The following SNX24 variants were observed in gnomAD, a reference collection of about 807,000 sequenced individuals.
SNX24 encodes the protein sorting nexin-24.
In SNX24, 22 loss-of-function variants were observed where a neutral mutation model predicts 28.7. The ratio of observed to expected loss-of-function variants is 0.77; its 90% confidence interval spans 0.55 to 1.10. The LOEUF is 1.10. Among genes scored for constraint, SNX24 ranks in the 50% least tolerant of loss-of-function variants. The pLI, the probability that SNX24 is intolerant of heterozygous loss-of-function variation, is 0.00. For synonymous variants in SNX24, 69 were observed against 71.5 expected (o/e 0.96, Z 0.18); for missense variants, 221 against 201.1 (o/e 1.10, Z -0.60).
Position 123,007,945 on chromosome 5 carries a change from G to T in SNX24, c.*196G>T. 1 of 1,359,180 alleles carries T rather than the reference G, an allele frequency of 7.4e-7. No homozygotes were observed. Among genetic ancestry groups the T allele is most frequent in the East Asian group, 3.1e-5 (1 of 32,520 alleles). 84.2% of individuals were successfully genotyped at this position (1,359,180 alleles called of 1,614,324 possible). On this transcript the variant is annotated 3_prime_UTR_variant, in exon 7 of 7. Transcript: ENST00000261369. ...TTAAAAATAGAAACTGAACCGGGGC[G>T]GTGGTCAGGCTAAGGCCAAGTGTTT... is the stretch of plus-strand genomic sequence containing the variant.
chr5:122,859,286 CAT>C (rs55650343), intron 1 of SNX24, among the ~76,000 whole-genome samples: 18,885 of 151,992 alleles, frequency 0.12, 1,475 homozygotes, highest in East Asian at 0.36. Flanking sequence ...GACTGCACAA[CAT>C]ATGGAGATCC....
chr5:122,872,955 C>G (rs895540738), intron 1 of SNX24, among the ~76,000 whole-genome samples: 2 of 151,752 alleles, frequency 1.3e-5, no homozygotes, highest in African/African-American at 4.8e-5. Context: ...CATTTTAACC[C>G]AGAGGTTAGT....
intron 5 of SNX24, chr5:123,023,779 A>G: frequency 7.1e-7 from 1 of 1,404,866 alleles, no homozygotes; most frequent in Non-Finnish European, 9.3e-7. Context: ...AAGTAAAAAA[A>G]AAAAAGCAAA....
At chr5:122,969,363 C>CT (rs1226538820) in intron 3 of SNX24, among the ~76,000 whole-genome samples, 1 of 152,118 alleles carries the variant, frequency 6.6e-6, no homozygotes, top group Admixed American at 6.5e-5. Context: ...TTAAGAAAGT[C>CT]TAACACTTTC....
At chr5:122,972,653 T>C (rs1396693862) in intron 3 of SNX24, among the ~76,000 whole-genome samples, 1 of 152,200 alleles carries the variant, frequency 6.6e-6, no homozygotes, top group Non-Finnish European at 1.5e-5. Flanking sequence ...ACCATGACTG[T>C]GGATAAGGCA....
At chr5:122,880,827 A>G (rs1237834019) in intron 1 of SNX24, among the ~76,000 whole-genome samples, 1 of 152,210 alleles carries the variant, frequency 6.6e-6, no homozygotes, top group Non-Finnish European at 1.5e-5. Context: ...GGAACTCTGC[A>G]CAATTCTGTA....
chr5:122,998,743 G>C (rs1762138942), intron 3 of SNX24, among the ~76,000 whole-genome samples: 1 of 152,120 alleles, frequency 6.6e-6, no homozygotes, highest in African/African-American at 2.4e-5. Flanking sequence ...TGAGGAATTG[G>C]GGCCACTCAG....
At chr5:122,936,324 C>A (rs558482281) in intron 1 of SNX24, among the ~76,000 whole-genome samples, 1 of 152,090 alleles carries the variant, frequency 6.6e-6, no homozygotes, top group Admixed American at 6.6e-5. Context: ...GTACTGCCTG[C>A]GTTGAAATGC....
Position 122,916,596 on chromosome 5 carries a change from A to G in SNX24, c.61-20138A>G, listed in dbSNP as rs371573649. 1.1e-4 allele frequency among the ~76,000 whole-genome samples: 16 copies of G among 152,190 alleles called. 2 individuals carry two copies. Among genetic ancestry groups the G allele is most frequent in the East Asian group, 3.9e-4 (2 of 5,184 alleles). ...CTTGAACAGTCCATTTGGGACCTTT[A>G]TTTTTAACATTCTGCATCCCAAATT... is the stretch of plus-strand genomic sequence containing the variant. On this transcript the variant is annotated intron_variant, in intron 1 of 6. Transcript: ENST00000261369.
chr5:122,941,577 AT>A (rs1209033051), intron 2 of SNX24, among the ~76,000 whole-genome samples: 3 of 152,144 alleles, frequency 2.0e-5, no homozygotes, highest in Admixed American at 6.5e-5. Context: ...TTCTGCTTAA[AT>A]TTTGGAAACA....
intron 1 of SNX24, among the ~76,000 whole-genome samples, chr5:122,889,145 G>T (rs1756843484): frequency 6.6e-6 from 1 of 152,124 alleles, no homozygotes; most frequent in Non-Finnish European, 1.5e-5. Flanking sequence ...GAGCTACCGT[G>T]CCTGGCCAGG....
rs10623024 is a variant in SNX24 at position 122,869,897 on chromosome 5, G to GTTTTT, written c.60+24213_60+24217dup. Among the ~76,000 whole-genome samples, 4 of 147,758 alleles carry GTTTTT rather than the reference G, an allele frequency of 2.7e-5. 1 individual carries two copies. The highest frequency in any genetic ancestry group is 3.0e-5 in the Non-Finnish European group (2 of 67,030). On this transcript the variant is annotated intron_variant, in intron 1 of 6. Transcript: ENST00000261369. ...GCAAATGCATTTCTTAGTGCTATGA[G>GTTTTT]TTTTTTTTTTTTTACTGATGTTGTT...
intron 3 of SNX24, among the ~76,000 whole-genome samples, chr5:122,978,842 T>C (rs1761276312): frequency 6.6e-6 from 1 of 152,212 alleles, no homozygotes; most frequent in African/African-American, 2.4e-5. Context: ...AAAAGGTTGC[T>C]GTCCAAAGGC....
chr5:122,861,060 C>T (rs1755437429), intron 1 of SNX24, among the ~76,000 whole-genome samples: 1 of 151,712 alleles, frequency 6.6e-6, no homozygotes, highest in African/African-American at 2.4e-5. Context: ...AAACTTGAGG[C>T]TGGGTGCAGT....
chr5:122,892,750 T>TATTAATTA (rs577597022), intron 1 of SNX24, among the ~76,000 whole-genome samples: 1 of 149,714 alleles, frequency 6.7e-6, no homozygotes. Flanking sequence ...TTTCCTTTAT[T>TATTAATTA]ATTAATTAAT....
intron 3 of SNX24, among the ~76,000 whole-genome samples, chr5:122,970,674 T>G (rs1167959686): frequency 6.6e-6 from 1 of 152,156 alleles, no homozygotes; most frequent in Non-Finnish European, 1.5e-5. Flanking sequence ...TTCACCGTGT[T>G]AGCCAGGATG....
intron 5 of SNX24, chr5:123,026,062 A>C (rs1360423688): frequency 1.8e-6 from 2 of 1,082,080 alleles, no homozygotes; most frequent in Non-Finnish European, 2.6e-6. Context: ...AATTACTAGA[A>C]CCCTATAGGA....
At chr5:122,875,238 C>G (rs1396601660) in intron 1 of SNX24, among the ~76,000 whole-genome samples, 1 of 152,074 alleles carries the variant, frequency 6.6e-6, no homozygotes, top group African/African-American at 2.4e-5. Flanking sequence ...TATATGTGCC[C>G]AGTAGAGACA....
At chr5:122,901,314 G>A (rs1414288827) in intron 1 of SNX24, among the ~76,000 whole-genome samples, 1 of 151,352 alleles carries the variant, frequency 6.6e-6, no homozygotes, top group Non-Finnish European at 1.5e-5. Flanking sequence ...TTATTTATTT[G>A]TTTCTACTTT....
Sources: allele counts gnomAD v4.1 joint callset (sites outside exome capture counted in the v4.1 genomes callset), GRCh38; gene constraint gnomAD v4.1.1; transcripts MANE v1.5; gene names NCBI Gene and HGNC (gene_info 2026-07-23, HGNC 2026-07-21).